CROCC: variants seen among roughly 807,000 people sequenced by gnomAD.
CROCC encodes ciliary rootlet coiled-coil, rootletin.
CROCC carries 180 observed loss-of-function variants against 245.2 expected under a neutral mutation model. That is an observed-to-expected ratio of 0.73 (90% CI 0.65 to 0.83). CROCC has a LOEUF of 0.83. Among genes scored for constraint, CROCC ranks in the 40% least tolerant of loss-of-function variants. The pLI is 0.00. For missense variants in CROCC, 2,688 were observed against 2,779.4 expected (o/e 0.97, Z 0.74); for synonymous variants, 1,205 against 1,241.6 (o/e 0.97, Z 0.62).
In CROCC at chr1:16,940,100, G is replaced by C. The variant is rs570170209; in HGVS notation, c.1808+7G>C. 1 of 1,595,658 alleles carries C rather than the reference G, an allele frequency of 6.3e-7. No homozygotes were observed. The highest frequency in any genetic ancestry group is 2.3e-5 in the East Asian group (1 of 44,368). ...CCAACGAGCTCCTGAGCAGGTGCCGGGGAGGTCTGAGCTGGGGGGTACTGA... is the reference window on the plus strand; with the variant it reads ...CCAACGAGCTCCTGAGCAGGTGCCGCGGAGGTCTGAGCTGGGGGGTACTGA... On this transcript the variant is annotated splice_region_variant and intron_variant, in intron 13 of 36. Coordinates refer to ENST00000375541, the MANE Select transcript of CROCC (RefSeq NM_014675.5).
In CROCC at chr1:16,965,986, G is replaced by A. The variant is rs570164831; in HGVS notation, c.4576-13G>A. 1.9e-6 allele frequency: 3 copies of A among 1,610,558 alleles called. No homozygotes were observed. In the Admixed American group the frequency reaches 5.0e-5, roughly 27 times the overall value. On this transcript the variant is annotated splice_polypyrimidine_tract_variant and intron_variant, in intron 28 of 36. Coordinates refer to ENST00000375541, the MANE Select transcript of CROCC (RefSeq NM_014675.5). The stretch of plus-strand genomic sequence containing the variant: ...CAGGGGTCTGTCTTTGTTCCCCCAT[G>A]TCGGGGCTACAGGACGAACTTCGGA...
chr1:16,928,818 T>C (rs1370930878), intron 3 of CROCC, among the ~76,000 whole-genome samples: 1 of 151,384 alleles, frequency 6.6e-6, no homozygotes. Context: ...AATAAATAAA[T>C]AAAATAAAAT....
chr1:16,924,857 G>A (rs1383230559), intron 3 of CROCC, among the ~76,000 whole-genome samples: 1 of 152,402 alleles, frequency 6.6e-6, no homozygotes, highest in South Asian at 2.1e-4. Flanking sequence ...GGGCCTTGGG[G>A]TTGAGGCGGT....
chr1:16,940,011 A>G lies in CROCC; in HGVS notation c.1726A>G (p.Lys576Glu), dbSNP rs763423157. ...LEEQLQRLRD[K>E]TDGAMQAHED... ...GGAACAGCTGCAGCGCCTGCGGGAC[A>G]AGACCGACGGCGCCATGCAGGCCCA... The change falls in exon 13 of 37, where the codon AAG (lysine) becomes GAG (glutamate). Residue 576 changes from lysine (K) to glutamate (E), a missense_variant. This residue lies in a region of CROCC where 972 missense variants were observed against 895.3 expected (regional missense o/e 1.09). Transcript: ENST00000375541. The G allele has an allele frequency of 2.5e-6, 4 of 1,611,774 alleles. No individual in the cohort carries two copies. The highest frequency in any genetic ancestry group is 3.4e-6 in the Non-Finnish European group (4 of 1,179,574).
At chr1:16,948,728 C>T in intron 18 of CROCC, 71 bp from the exon 19 acceptor site, 1 of 1,594,874 alleles carries the variant, frequency 6.3e-7, no homozygotes, top group Non-Finnish European at 8.5e-7. Flanking sequence ...CCTGGCCACT[C>T]CCTGAGATCC....
At position 16,924,442 on chromosome 1, in the gene CROCC, A is replaced by T; in HGVS notation, c.314A>T (p.Asp105Val). ...CTGGCCCAGAGCCGTGCCGAGCGCG[A>T]TGAGCTCGCCATTAAGTACAATGCG... ...DLLAQSRAER[D>V]ELAIKYNAVS... Residue 105 changes from aspartate to valine, a missense_variant, in exon 3 of 37, where the codon GAT becomes GTT. Asp to Val is a radical substitution (Grantham distance 152, BLOSUM62 -3). Around this residue, in one of 9 missense-constraint regions of CROCC, gnomAD observed 972 missense variants for 895.3 expected, o/e 1.09. Transcript: ENST00000375541. 1.9e-6 allele frequency: 3 copies of T among 1,613,406 alleles called. No individual in the cohort carries two copies. Among genetic ancestry groups the T allele is most frequent in the Non-Finnish European group, 2.5e-6 (3 of 1,179,884 alleles).
intron 18 of CROCC, 31 bp downstream of exon 18, chr1:16,948,555 T>TG (rs1180159793): frequency 4.7e-6 from 7 of 1,500,786 alleles, no homozygotes; most frequent in East Asian, 2.5e-5. Flanking sequence ...CAACCCGCCC[T>TG]GGGGGGTCCT....
At chr1:16,923,864 A>G (rs1424732111) in intron 2 of CROCC, among the ~76,000 whole-genome samples, 1 of 152,198 alleles carries the variant, frequency 6.6e-6, no homozygotes, top group East Asian at 1.9e-4. Context: ...TATTTTTAGT[A>G]GAGACAGGGC....
At chr1:16,948,139 T>G (rs1482731986) in intron 17 of CROCC, among the ~76,000 whole-genome samples, 192 bp from the exon 18 acceptor site, 1 of 152,284 alleles carries the variant, frequency 6.6e-6, no homozygotes, top group African/African-American at 2.4e-5. Flanking sequence ...GGGCCCTGGT[T>G]TTTGTACACA....
chr1:16,921,875 G>A (rs902845374), upstream of CROCC: 40 of 788,268 alleles, frequency 5.1e-5, no homozygotes, highest in African/African-American at 1.7e-5. Context: ...TCCTCCCACC[G>A]CGGTGGTCAC....
intron 25 of CROCC, among the ~76,000 whole-genome samples, chr1:16,957,484 C>G (rs2100513194): frequency 6.6e-6 from 1 of 151,926 alleles, no homozygotes; most frequent in South Asian, 2.1e-4. Flanking sequence ...CTCTTGTTGC[C>G]CAGGCTGGAG....
chr1:16,937,379 C>A (rs1423439715), intron 9 of CROCC, among the ~76,000 whole-genome samples: 1 of 151,540 alleles, frequency 6.6e-6, no homozygotes, highest in Non-Finnish European at 1.5e-5. Context: ...AAAAAAAGAA[C>A]TCGTGCCCCT....
chr1:16,965,751 C>T lies in CROCC; in HGVS notation c.4434C>T (p.Ser1478=), dbSNP rs142029426. Residue 1478 remains serine, a synonymous_variant, in exon 28 of 37, where the codon AGC becomes AGT. Transcript: ENST00000375541. Reference sequence around the variant, plus strand: ...GCGGGGAAGGGCTCAACAGCCCCAGCACCTTAGAATGCAGCCCTGGGTCCC... The same window carrying T: ...GCGGGGAAGGGCTCAACAGCCCCAGTACCTTAGAATGCAGCCCTGGGTCCC... ...EGSGEGLNSP[S]TLECSPGSQP... is the part of the protein sequence containing the mutation. 11 of 1,613,366 alleles carry T rather than the reference C, an allele frequency of 6.8e-6. No homozygotes were observed. The highest frequency in any genetic ancestry group is 1.3e-5 in the African/African-American group (1 of 74,922).
chr1:16,963,610 C>T (rs1332030529), intron 27 of CROCC, among the ~76,000 whole-genome samples: 1 of 152,100 alleles, frequency 6.6e-6, no homozygotes, highest in East Asian at 1.9e-4. Flanking sequence ...AGGCAGGATG[C>T]TCATGGCAGG....
At chr1:16,971,693 G>A in intron 36 of CROCC, 46 bp downstream of exon 36, 1 of 1,423,862 alleles carries the variant, frequency 7.0e-7, no homozygotes, top group South Asian at 1.5e-5. Flanking sequence ...GATGTGTGGG[G>A]CTGCAGAAAG....
intron 27 of CROCC, 150 bp from the exon 28 acceptor site, chr1:16,965,573 A>G: frequency 1.5e-6 from 1 of 673,866 alleles, no homozygotes; most frequent in African/African-American, 1.8e-5. Flanking sequence ...AGAGGGTTTC[A>G]GCTGGGATGG....
chr1:16,935,863 T>A (rs1382408150), intron 8 of CROCC, among the ~76,000 whole-genome samples: 1 of 152,282 alleles, frequency 6.6e-6, no homozygotes, highest in Non-Finnish European at 1.5e-5. Flanking sequence ...AACCTCCTTG[T>A]CCACAAGCCA....
intron 13 of CROCC, among the ~76,000 whole-genome samples, chr1:16,940,364 C>T (rs1202310570): frequency 6.6e-6 from 1 of 151,402 alleles, no homozygotes; most frequent in Non-Finnish European, 1.5e-5. Flanking sequence ...TCTGGGACTA[C>T]AGGCCCCTGC....
In CROCC at chr1:16,970,257, T is replaced by TGCGGCA; in HGVS notation, c.5464_5469dup (p.Arg1822_Gln1823dup). ...CCTGCCTGGCTTCTGTTGCAGGTGC[T>TGCGGCA]GCGGCAGCGGCAGGAGGGTGAGGCT... On this transcript the variant is annotated inframe_insertion, in exon 34 of 37. Transcript: ENST00000375541. 6.4e-7 allele frequency: 1 copy of TGCGGCA among 1,553,846 alleles called. No homozygotes were observed. Among genetic ancestry groups the TGCGGCA allele is most frequent in the East Asian group, 2.4e-5 (1 of 41,956 alleles).
Sources: gnomAD v4.1 joint callset for allele counts (sites outside exome capture counted in the v4.1 genomes callset) on GRCh38, gnomAD v4.1.1 for gene constraint, gnomAD v4.1.1 regional missense constraint, MANE v1.5 for transcripts, NCBI Gene and HGNC (gene_info 2026-07-23, HGNC 2026-07-21) for gene names.